Variants in CUX2 observed in about 807,000 individuals in gnomAD.
The protein encoded by CUX2 is cut like homeobox 2.
A neutral mutation model predicts 144.8 loss-of-function variants in CUX2; 40 were observed. The ratio of observed to expected loss-of-function variants is 0.28; its 90% CI spans 0.21 to 0.36. The LOEUF (loss-of-function observed/expected upper bound fraction) is 0.36, where lower values mean the gene tolerates loss of function less well. Ranked by LOEUF, CUX2 falls within the 10% of genes least tolerant of loss-of-function variation. The pLI, the probability that CUX2 is intolerant of heterozygous loss-of-function variation, is 1.00. For missense variants in CUX2, 1,615 were observed against 1,994.0 expected (o/e 0.81, Z 3.62); for synonymous variants, 827 against 875.6 (o/e 0.94, Z 0.98).
intron 1 of CUX2, among the ~76,000 whole-genome samples, chr12:111,044,298 C>G (rs1206743669): frequency 1.3e-5 from 2 of 152,144 alleles, no homozygotes; most frequent in Non-Finnish European, 2.9e-5. Flanking sequence ...GGAGCTGTCA[C>G]TCCCAGCACT....
intron 3 of CUX2, among the ~76,000 whole-genome samples, chr12:111,245,278 G>A (rs758274359): frequency 3.9e-5 from 6 of 151,984 alleles, no homozygotes; most frequent in Non-Finnish European, 7.4e-5. Context: ...ACTCACGCTC[G>A]TAATCCCAGC....
At chr12:111,326,533 G>A (rs888092459) in intron 18 of CUX2, among the ~76,000 whole-genome samples, 2 of 151,892 alleles carry the variant, frequency 1.3e-5, no homozygotes, top group African/African-American at 4.8e-5. Flanking sequence ...GTCTCACTCT[G>A]TCACCCAGGC....
At chr12:111,333,588 C>T (rs1286619231) in intron 18 of CUX2, among the ~76,000 whole-genome samples, 3 of 152,054 alleles carry the variant, frequency 2.0e-5, no homozygotes, top group South Asian at 2.1e-4. Flanking sequence ...AAATCAGATT[C>T]GGGCTGTGTA....
intron 1 of CUX2, among the ~76,000 whole-genome samples, chr12:111,132,339 TC>T (rs1484612282): frequency 3.3e-5 from 5 of 152,076 alleles, no homozygotes; most frequent in African/African-American, 1.2e-4. Context: ...AATCACTTTT[TC>T]CTCCTAGACC....
intron 4 of CUX2, among the ~76,000 whole-genome samples, chr12:111,278,985 A>G (rs949529142): frequency 2.0e-5 from 3 of 152,198 alleles, no homozygotes; most frequent in Non-Finnish European, 2.9e-5. Flanking sequence ...CCTGCCAGAT[A>G]GGGAAGGTGG....
intron 4 of CUX2, among the ~76,000 whole-genome samples, chr12:111,283,402 A>G (rs1238913769): frequency 2.0e-5 from 3 of 152,024 alleles, no homozygotes; most frequent in Admixed American, 1.3e-4. Context: ...GGTGTCACCA[A>G]TGCCTCGAGG....
Position 111,250,812 on chromosome 12 carries a change from CA to C in CUX2, c.223-12948del, listed in dbSNP as rs1883525963. Among the ~76,000 whole-genome samples, 7 of 152,260 alleles carry C rather than the reference CA, an allele frequency of 4.6e-5. No individual in the cohort carries two copies. In the South Asian group the frequency reaches 1.5e-3, roughly 32 times the overall value. On this transcript the variant is annotated intron_variant, in intron 3 of 21. Coordinates refer to ENST00000261726, the MANE Select transcript of CUX2 (RefSeq NM_015267.4). Reference sequence around the variant, plus strand: ...CGTGGGGCCATGCTTGTGGCATCAGCAGCTCCCAAAAAGAGAAAACTGGACA... The same window carrying C: ...CGTGGGGCCATGCTTGTGGCATCAGCGCTCCCAAAAAGAGAAAACTGGACA...
chr12:111,047,351 GA>G (rs1173553555), intron 1 of CUX2, among the ~76,000 whole-genome samples: 37 of 152,092 alleles, frequency 2.4e-4, no homozygotes, highest in African/African-American at 8.5e-4. Context: ...AAGTTTTTTA[GA>G]TTTTTTTTTT....
chr12:111,300,243 C>T (rs571390664), intron 9 of CUX2, among the ~76,000 whole-genome samples: 1 of 152,260 alleles, frequency 6.6e-6, no homozygotes, highest in East Asian at 1.9e-4. Context: ...GCCTCAGTCC[C>T]CCAAGTAGCT....
chr12:111,086,501 A>C (rs1161436619), intron 1 of CUX2, among the ~76,000 whole-genome samples: 1 of 152,234 alleles, frequency 6.6e-6, no homozygotes, highest in Admixed American at 6.5e-5. Context: ...AACAATTGCT[A>C]TCCAGGGCCT....
chr12:111,255,172 T>A lies in CUX2; in HGVS notation c.223-8589T>A, dbSNP rs1210070609. On this transcript the variant is annotated intron_variant, in intron 3 of 21. Transcript: ENST00000261726. This position sits in a 1 kb window ranked among gnomAD's most constrained non-coding sequence, Gnocchi z 4.1. The stretch of plus-strand genomic sequence containing the variant: ...TTTAGAACCAGCTAGTGCTGGCTCC[T>A]GAAACAGGCTAGGATGGGGCCTCTC... Among the ~76,000 whole-genome samples, 1 of 152,144 alleles carries A rather than the reference T, an allele frequency of 6.6e-6. No homozygotes were observed. Among genetic ancestry groups the A allele is most frequent in the African/African-American group, 2.4e-5 (1 of 41,456 alleles).
intron 19 of CUX2, among the ~76,000 whole-genome samples, chr12:111,336,053 T>C (rs1221731765): frequency 6.6e-6 from 1 of 152,174 alleles, no homozygotes; most frequent in Non-Finnish European, 1.5e-5. Context: ...AATGCAGGTC[T>C]GAGAGGACCT....
intron 1 of CUX2, among the ~76,000 whole-genome samples, chr12:111,047,416 C>T (rs1282987849): frequency 6.6e-6 from 1 of 152,102 alleles, no homozygotes; most frequent in Admixed American, 6.5e-5. Flanking sequence ...CTCTACAGTT[C>T]GCGTTTTTAC....
intron 1 of CUX2, among the ~76,000 whole-genome samples, chr12:111,065,289 G>A (rs1170996135): frequency 6.6e-6 from 1 of 152,224 alleles, no homozygotes; most frequent in African/African-American, 2.4e-5. Flanking sequence ...TTTGACCCAG[G>A]GCCGATGGGA....
rs112454937 is a variant in CUX2 at position 111,263,265 on chromosome 12, A to G, written c.223-496A>G. ...CAGGGGAATCGCAGGAGGTCGAGAC[A>G]AGCCTGGGCAACCTGTAGCAAGACC... is the stretch of plus-strand genomic sequence containing the variant. On this transcript the variant is annotated intron_variant, in intron 3 of 21. Coordinates refer to ENST00000261726, the MANE Select transcript of CUX2 (RefSeq NM_015267.4). This position sits in a 1 kb window ranked among gnomAD's most constrained non-coding sequence, Gnocchi z 4.0. Among the ~76,000 whole-genome samples, 1,178 of 152,216 alleles carry G rather than the reference A, an allele frequency of 7.7e-3. 14 individuals are homozygous for G. The highest frequency in any genetic ancestry group is 0.027 in the African/African-American group (1,131 of 41,526).
intron 1 of CUX2, among the ~76,000 whole-genome samples, chr12:111,141,988 G>A (rs1297099951): frequency 6.6e-6 from 1 of 152,152 alleles, no homozygotes; most frequent in Non-Finnish European, 1.5e-5. Flanking sequence ...GGAGGCTGAG[G>A]CAGGAGAATC....
intron 1 of CUX2, among the ~76,000 whole-genome samples, chr12:111,143,437 A>G (rs1050936389): frequency 5.9e-5 from 9 of 152,188 alleles, no homozygotes; most frequent in Non-Finnish European, 1.2e-4. Context: ...ATGGCTACAC[A>G]GGCCCGGGAC....
intron 3 of CUX2, among the ~76,000 whole-genome samples, chr12:111,247,943 G>C (rs1042328465): frequency 6.6e-6 from 1 of 152,202 alleles, no homozygotes; most frequent in Non-Finnish European, 1.5e-5. Context: ...CTCTTGCTCT[G>C]TCACCCAGGC....
intron 1 of CUX2, among the ~76,000 whole-genome samples, chr12:111,197,654 G>A (rs1360620905): frequency 6.6e-6 from 1 of 152,206 alleles, no homozygotes; most frequent in Admixed American, 6.5e-5. Flanking sequence ...TGAAGGCAGA[G>A]ACAGCTTCCC....
Sources: allele counts gnomAD v4.1 joint callset (sites outside exome capture counted in the v4.1 genomes callset), GRCh38; gene constraint gnomAD v4.1.1; non-coding constraint Gnocchi (gnomAD v3.1); transcripts MANE v1.5; gene names NCBI Gene and HGNC (gene_info 2026-07-23, HGNC 2026-07-21).